The following CREM variants were observed in gnomAD, a reference collection of about 807,000 sequenced individuals.
CREM encodes cAMP responsive element modulator, also known as cAMP-responsive element modulator.
A neutral mutation model predicts 37.3 loss-of-function variants in CREM; 13 were observed. The observed-to-expected ratio is 0.35, with a 90% CI of 0.23 to 0.55. CREM has a LOEUF of 0.55. Among genes scored for constraint, CREM ranks in the 20% least tolerant of loss-of-function variants. CREM has a pLI of 0.88. For missense variants in CREM, 296 were observed against 362.3 expected (o/e 0.82, Z 1.49); for synonymous variants, 124 against 120.2 (o/e 1.03, Z -0.21).
Position 35,137,906 on chromosome 10 carries a change from T to C in CREM, c.44+27T>C, listed in dbSNP as rs367777505. 4 of 1,560,306 alleles carry C rather than the reference T, an allele frequency of 2.6e-6. No homozygotes were observed. The African/African-American group carries it at 5.5e-5, about 21-fold the overall frequency. ...TAGGTAGATGTACGTTTTTCTGTTCTTTTGAAAATTCTACTTAGCTTAAAG... is the reference window on the plus strand; with the variant it reads ...TAGGTAGATGTACGTTTTTCTGTTCCTTTGAAAATTCTACTTAGCTTAAAG... On this transcript the variant is annotated intron_variant, in intron 2 of 7. Coordinates refer to ENST00000685392, the MANE Select transcript of CREM (RefSeq NM_183011.2).
intron 2 of CREM, among the ~76,000 whole-genome samples, chr10:35,145,980 A>T (rs529597360): frequency 6.6e-6 from 1 of 152,202 alleles, no homozygotes; most frequent in Non-Finnish European, 1.5e-5. Context: ...ACTTCTCGTT[A>T]ATTCTGATGC....
At chr10:35,150,531 C>G (rs2092519517) in intron 3 of CREM, among the ~76,000 whole-genome samples, 1 of 152,160 alleles carries the variant, frequency 6.6e-6, no homozygotes, top group Non-Finnish European at 1.5e-5. Flanking sequence ...TCAGAAATTG[C>G]CAACAGGTGG....
chr10:35,168,979 C>T (rs2093679525), intron 3 of CREM, among the ~76,000 whole-genome samples: 1 of 152,138 alleles, frequency 6.6e-6, no homozygotes, highest in Admixed American at 6.5e-5. Context: ...GTACCAGTAC[C>T]ATGCTGTTTT....
chr10:35,174,803 G>A (rs1033599391), intron 3 of CREM, among the ~76,000 whole-genome samples: 3 of 152,220 alleles, frequency 2.0e-5, no homozygotes, highest in African/African-American at 7.2e-5. Flanking sequence ...CCAGAGGAGT[G>A]GTTAGTATCG....
At chr10:35,196,826 T>C (rs1175583073) in intron 6 of CREM, among the ~76,000 whole-genome samples, 1 of 148,840 alleles carries the variant, frequency 6.7e-6, no homozygotes, top group East Asian at 2.0e-4. Flanking sequence ...ATAAGACTCA[T>C]AACAAAAAAT....
chr10:35,199,454 TTAAAA>T (rs1301066605), intron 6 of CREM, among the ~76,000 whole-genome samples: 3 of 152,222 alleles, frequency 2.0e-5, no homozygotes, highest in Non-Finnish European at 2.9e-5. Context: ...TATGTAAACT[TTAAAA>T]TAAAAAAATC....
chr10:35,211,619 A>G lies in CREM; in HGVS notation c.*221A>G, dbSNP rs2134932898. 1.2e-6 allele frequency: 2 copies of G among 1,601,044 alleles called. No homozygotes were observed. The highest frequency in any genetic ancestry group is 2.2e-5 in the East Asian group (1 of 44,690). On this transcript the variant is annotated 3_prime_UTR_variant, in exon 8 of 8. Coordinates refer to ENST00000685392, the MANE Select transcript of CREM (RefSeq NM_183011.2). ...ATCTGTTTGTCAATAGCATGCAAAA[A>G]ATGCTTTGTTTGCCCTTTGCTTCTG...
intron 6 of CREM, among the ~76,000 whole-genome samples, chr10:35,199,005 C>T (rs1182664533): frequency 3.3e-5 from 5 of 151,918 alleles, no homozygotes; most frequent in Admixed American, 2.0e-4. Flanking sequence ...AAAAATTAGC[C>T]GGGCGTGGTG....
Position 35,145,011 on chromosome 10 carries a change from A to T in CREM, c.45-3357A>T, listed in dbSNP as rs999537464. Among the ~76,000 whole-genome samples the T allele has an allele frequency of 1.9e-4, 29 of 151,860 alleles. 1 individual carries two copies. Among genetic ancestry groups the T allele is most frequent in the Non-Finnish European group, 3.7e-4 (25 of 67,962 alleles). ...CCCGTGTCTACTAAAAATAAAAAAA[A>T]TTAGCCGGGTGTGGTGGCGCGTGCC... On this transcript the variant is annotated intron_variant, in intron 2 of 7. Transcript: ENST00000685392.
At chr10:35,188,084 G>C (rs2094729620) in intron 5 of CREM, 116 bp from the exon 6 acceptor site, 1 of 1,014,948 alleles carries the variant, frequency 9.9e-7, no homozygotes. Context: ...AGAAAATAAG[G>C]GTAACCTGAG....
At chr10:35,195,437 C>G (rs1006742434) in intron 6 of CREM, among the ~76,000 whole-genome samples, 1 of 151,926 alleles carries the variant, frequency 6.6e-6, no homozygotes, top group African/African-American at 2.4e-5. Flanking sequence ...GACTGAGGCA[C>G]TAATCCTCTC....
intron 6 of CREM, among the ~76,000 whole-genome samples, chr10:35,201,699 C>T (rs1048855975): frequency 8.6e-5 from 13 of 151,500 alleles, no homozygotes; most frequent in African/African-American, 2.9e-4. Flanking sequence ...ATAATGAGAA[C>T]GCCTTTGCTT....
chr10:35,143,081 C>T (rs1313224596), intron 2 of CREM, among the ~76,000 whole-genome samples: 1 of 152,200 alleles, frequency 6.6e-6, no homozygotes. Flanking sequence ...AGCAATTCTC[C>T]TGCCTCCACC....
intron 5 of CREM, among the ~76,000 whole-genome samples, chr10:35,180,472 C>T (rs1343431902): frequency 6.6e-6 from 1 of 152,094 alleles, no homozygotes; most frequent in Non-Finnish European, 1.5e-5. Flanking sequence ...GGTAGATTTG[C>T]AGTAGTAAAC....
At chr10:35,133,341 T>C (rs1384245827) in intron 1 of CREM, among the ~76,000 whole-genome samples, 2 of 151,510 alleles carry the variant, frequency 1.3e-5, no homozygotes, top group African/African-American at 2.4e-5. Flanking sequence ...AGAGTCTCAC[T>C]GTGTCACCCA....
At chr10:35,140,243 C>G (rs560771667) in intron 2 of CREM, among the ~76,000 whole-genome samples, 1 of 152,258 alleles carries the variant, frequency 6.6e-6, no homozygotes, top group Non-Finnish European at 1.5e-5. Context: ...AAATTACAGT[C>G]CATACATTTG....
At chr10:35,150,224 T>A (rs75689711) in intron 3 of CREM, among the ~76,000 whole-genome samples, 1 of 151,982 alleles carries the variant, frequency 6.6e-6, no homozygotes, top group Non-Finnish European at 1.5e-5. Context: ...AGACAAGTTC[T>A]CACTATATTG....
rs1192498833 is a variant in CREM at position 35,212,122 on chromosome 10, T to C, written c.*724T>C. 5.1e-6 allele frequency: 1 copy of C among 194,616 alleles called. No homozygotes were observed. The highest frequency in any genetic ancestry group is 2.3e-5 in the African/African-American group (1 of 43,128). 12.1% of individuals were successfully genotyped at this position (194,616 alleles called of 1,614,324 possible). On this transcript the variant is annotated 3_prime_UTR_variant, in exon 8 of 8. Transcript: ENST00000685392. ...TGCAATAAAATTATTTGCAGGTCTTTAAATCATTTTAGGAAAGGATGATCA... is the reference window on the plus strand; with the variant it reads ...TGCAATAAAATTATTTGCAGGTCTTCAAATCATTTTAGGAAAGGATGATCA...
At chr10:35,195,536 T>C (rs1340937811) in intron 6 of CREM, among the ~76,000 whole-genome samples, 1 of 151,806 alleles carries the variant, frequency 6.6e-6, no homozygotes, top group Non-Finnish European at 1.5e-5. Flanking sequence ...CTCTTTCATA[T>C]GCATACCATT....
Sources: gnomAD v4.1 joint callset for allele counts (sites outside exome capture counted in the v4.1 genomes callset) on GRCh38, gnomAD v4.1.1 for gene constraint, MANE v1.5 for transcripts, NCBI Gene and HGNC (gene_info 2026-07-23, HGNC 2026-07-21) for gene names.